SH3GL2: variants seen among roughly 807,000 people sequenced by gnomAD.
The protein encoded by SH3GL2 is SH3 domain containing GRB2 like 2, endophilin A1, also known as endophilin-A1.
Under a neutral mutation model 46.0 loss-of-function variants are expected in SH3GL2, and 24 were observed. The ratio of observed to expected loss-of-function variants is 0.52; its 90% confidence interval spans 0.38 to 0.73. The LOEUF (loss-of-function observed/expected upper bound fraction) is 0.73. Ranked by LOEUF, SH3GL2 falls within the 30% of genes least tolerant of loss-of-function variation. The pLI is 0.00. For synonymous variants in SH3GL2, 196 were observed against 147.1 expected (o/e 1.33, Z -2.40); for missense variants, 413 against 424.2 (o/e 0.97, Z 0.23).
chr9:17,742,279 A>G (rs1465976611), intron 1 of SH3GL2, among the ~76,000 whole-genome samples: 1 of 152,188 alleles, frequency 6.6e-6, no homozygotes, highest in Non-Finnish European at 1.5e-5. Flanking sequence ...TCTTCTGCGT[A>G]GAGGTGACAG....
At chr9:17,734,613 T>C (rs1408889541) in intron 1 of SH3GL2, among the ~76,000 whole-genome samples, 2 of 152,172 alleles carry the variant, frequency 1.3e-5, no homozygotes, top group Non-Finnish European at 2.9e-5. Flanking sequence ...GAAATATTAT[T>C]CAGCCATAAA....
intron 2 of SH3GL2, among the ~76,000 whole-genome samples, chr9:17,756,362 C>T (rs1329004648): frequency 6.6e-6 from 1 of 151,710 alleles, no homozygotes; most frequent in Non-Finnish European, 1.5e-5. Flanking sequence ...AGTATGTGTA[C>T]ATGTGCACAG....
At chr9:17,717,707 C>G (rs1207321836) in intron 1 of SH3GL2, among the ~76,000 whole-genome samples, 1 of 152,034 alleles carries the variant, frequency 6.6e-6, no homozygotes, top group African/African-American at 2.4e-5. Flanking sequence ...GTATGCCAGG[C>G]ATGCTGGGCA....
At chr9:17,715,595 C>T (rs568854648) in intron 1 of SH3GL2, among the ~76,000 whole-genome samples, 5 of 151,942 alleles carry the variant, frequency 3.3e-5, no homozygotes, top group African/African-American at 7.2e-5. Context: ...CAAGACCTCC[C>T]GTGGTTAATA....
chr9:17,682,454 C>G (rs934383182), intron 1 of SH3GL2, among the ~76,000 whole-genome samples: 1 of 152,076 alleles, frequency 6.6e-6, no homozygotes, highest in Non-Finnish European at 1.5e-5. Flanking sequence ...CAAACTCACA[C>G]AGGAACAGAA....
chr9:17,624,830 A>C (rs531630535), intron 1 of SH3GL2, among the ~76,000 whole-genome samples: 2 of 152,100 alleles, frequency 1.3e-5, no homozygotes, highest in African/African-American at 2.4e-5. Context: ...TGTGTTTTCC[A>C]TTTGCTTCTG....
chr9:17,664,641 T>C (rs1178462120), intron 1 of SH3GL2, among the ~76,000 whole-genome samples: 2 of 151,858 alleles, frequency 1.3e-5, no homozygotes, highest in Non-Finnish European at 2.9e-5. Flanking sequence ...AATGTACTTC[T>C]GAACTTTCTA....
intron 1 of SH3GL2, among the ~76,000 whole-genome samples, chr9:17,607,140 A>G (rs1309570299): frequency 6.6e-6 from 1 of 152,218 alleles, no homozygotes; most frequent in Non-Finnish European, 1.5e-5. Flanking sequence ...ATTCTGAGAA[A>G]TGCATCATTA....
intron 3 of SH3GL2, among the ~76,000 whole-genome samples, chr9:17,769,737 A>G (rs913321839): frequency 8.6e-5 from 13 of 152,004 alleles, no homozygotes; most frequent in African/African-American, 2.9e-4. Context: ...CTTCTAATTT[A>G]TCTTTTTGTT....
chr9:17,696,554 A>T (rs1334696970), intron 1 of SH3GL2, among the ~76,000 whole-genome samples: 2 of 152,182 alleles, frequency 1.3e-5, no homozygotes, highest in South Asian at 2.1e-4. Flanking sequence ...GAAGGGGAAG[A>T]AAGGCACCTT....
intron 1 of SH3GL2, among the ~76,000 whole-genome samples, chr9:17,672,489 T>C (rs1014998046): frequency 1.3e-5 from 2 of 152,176 alleles, no homozygotes; most frequent in Non-Finnish European, 2.9e-5. Context: ...GGCATGTACA[T>C]AGATCTTGAA....
intron 1 of SH3GL2, among the ~76,000 whole-genome samples, chr9:17,672,733 C>A (rs142456752): frequency 5.3e-5 from 8 of 152,262 alleles, no homozygotes; most frequent in African/African-American, 1.4e-4. Flanking sequence ...GTGTAAATAA[C>A]TAACTTCTAG....
chr9:17,652,384 C>A (rs944715339), intron 1 of SH3GL2, among the ~76,000 whole-genome samples: 2 of 151,606 alleles, frequency 1.3e-5, no homozygotes, highest in East Asian at 1.9e-4. Context: ...TTCTAGTCAT[C>A]TTTTTTATTG....
chr9:17,744,408 C>A (rs952556958), intron 1 of SH3GL2, among the ~76,000 whole-genome samples: 2 of 151,934 alleles, frequency 1.3e-5, no homozygotes, highest in African/African-American at 2.4e-5. Context: ...ACCTGTCACC[C>A]AGGCTGGAGT....
intron 1 of SH3GL2, among the ~76,000 whole-genome samples, chr9:17,594,079 C>G (rs1259999761): frequency 6.6e-6 from 1 of 152,182 alleles, no homozygotes; most frequent in African/African-American, 2.4e-5. Flanking sequence ...TTCTAAAGAG[C>G]AAATCTAGCA....
chr9:17,720,097 T>A (rs2118336674), intron 1 of SH3GL2, among the ~76,000 whole-genome samples: 1 of 152,196 alleles, frequency 6.6e-6, no homozygotes. Context: ...GGAAGAAAGA[T>A]GTTTACTTTA....
chr9:17,771,818 G>C (rs1253888923), intron 3 of SH3GL2, among the ~76,000 whole-genome samples: 3 of 152,108 alleles, frequency 2.0e-5, no homozygotes, highest in African/African-American at 4.8e-5. Context: ...TGTCACCTTG[G>C]AGAGAGGTGT....
intron 1 of SH3GL2, among the ~76,000 whole-genome samples, chr9:17,650,008 G>T (rs1203388596): frequency 6.6e-6 from 1 of 152,140 alleles, no homozygotes; most frequent in Non-Finnish European, 1.5e-5. Flanking sequence ...ATAACCACCA[G>T]CTTTTATTTA....
At chr9:17,628,211 C>T (rs1187587758) in intron 1 of SH3GL2, among the ~76,000 whole-genome samples, 1 of 152,162 alleles carries the variant, frequency 6.6e-6, no homozygotes, top group Non-Finnish European at 1.5e-5. Context: ...AGACGTTTAG[C>T]ATTGTTACTG....
Sources: gnomAD v4.1 joint callset for allele counts (sites outside exome capture counted in the v4.1 genomes callset) on GRCh38, gnomAD v4.1.1 for gene constraint, MANE v1.5 for transcripts, NCBI Gene and HGNC (gene_info 2026-07-23, HGNC 2026-07-21) for gene names.